Variants in RTN1 observed in about 807,000 individuals in gnomAD.
RTN1 encodes reticulon 1.
Under a neutral mutation model 65.5 loss-of-function variants are expected in RTN1, and 25 were observed. The observed-to-expected ratio is 0.38, with a 90% CI of 0.28 to 0.53. The LOEUF is 0.53. Ranked by LOEUF, RTN1 falls within the 20% of genes least tolerant of loss-of-function variation. The pLI is 0.79. For missense variants in RTN1, 983 were observed against 1,025.4 expected (o/e 0.96, Z 0.57); for synonymous variants, 471 against 447.6 (o/e 1.05, Z -0.66).
At chr14:59,775,392 T>C (rs1305807379) in intron 1 of RTN1, among the ~76,000 whole-genome samples, 2 of 152,132 alleles carry the variant, frequency 1.3e-5, no homozygotes, top group African/African-American at 4.8e-5. Flanking sequence ...CCTTTTTTTT[T>C]GTAGGAGCTA....
At chr14:59,668,498 C>T (rs1883430246) in intron 3 of RTN1, among the ~76,000 whole-genome samples, 1 of 152,130 alleles carries the variant, frequency 6.6e-6, no homozygotes, top group Admixed American at 6.5e-5. Context: ...ACCATAAAAA[C>T]CCTAGAAGAA....
At chr14:59,749,200 A>ATATATATCTATATATATCTATATATATC (rs1885311262) in intron 1 of RTN1, among the ~76,000 whole-genome samples, 1 of 56,670 alleles carries the variant, frequency 1.8e-5, no homozygotes, top group African/African-American at 1.2e-4. Context: ...ATATATATCT[A>ATATATATCTATATATATCTATATATATC]TATATATATC....
intron 1 of RTN1, among the ~76,000 whole-genome samples, chr14:59,771,102 C>T (rs1015577595): frequency 6.6e-6 from 1 of 151,972 alleles, no homozygotes; most frequent in African/African-American, 2.4e-5. Flanking sequence ...TCAAAGTCAT[C>T]CCTCATCAAC....
chr14:59,636,526 C>G (rs1882669402), intron 3 of RTN1, among the ~76,000 whole-genome samples: 1 of 152,158 alleles, frequency 6.6e-6, no homozygotes, highest in South Asian at 2.1e-4. Context: ...TATAAATAAC[C>G]CAGTCTCAGG....
At chr14:59,804,190 T>C (rs1163716518) in intron 1 of RTN1, among the ~76,000 whole-genome samples, 1 of 152,230 alleles carries the variant, frequency 6.6e-6, no homozygotes, top group Non-Finnish European at 1.5e-5. Context: ...CCAACTGTCC[T>C]TGTTTTTTAT....
chr14:59,724,480 A>G (rs1257270267), intron 3 of RTN1, among the ~76,000 whole-genome samples: 1 of 152,228 alleles, frequency 6.6e-6, no homozygotes, highest in Admixed American at 6.5e-5. Context: ...AGTGGACAAG[A>G]GCAGGAAACC....
At chr14:59,607,565 C>T (rs1881802569) in intron 3 of RTN1, 73 bp from the exon 4 acceptor site, 2 of 1,325,688 alleles carry the variant, frequency 1.5e-6, no homozygotes, top group Admixed American at 2.0e-5. Flanking sequence ...GCTCACTCCA[C>T]CAAGCTGTGG....
chr14:59,720,334 T>C (rs1255441800), intron 3 of RTN1, among the ~76,000 whole-genome samples: 2 of 152,192 alleles, frequency 1.3e-5, no homozygotes, highest in East Asian at 1.9e-4. Context: ...TGAATTCAGC[T>C]GGCTGCTGGC....
In RTN1 at chr14:59,746,284, C is replaced by T. The variant is rs779660233; in HGVS notation, c.439G>A (p.Gly147Ser). The change falls in exon 2 of 9, where the codon GGC becomes AGC. Residue 147 changes from glycine (G) to serine (S), a missense_variant. Physicochemically the swap from Gly to Ser is moderately conservative, Grantham distance 56. This residue lies in a region of RTN1 where 818 missense variants were observed against 801.8 expected (regional missense o/e 1.02). Coordinates refer to ENST00000267484, the MANE Select transcript of RTN1 (RefSeq NM_021136.3). ...CCAGGCACATCTGGTAAGGAGGGGC[C>T]GGGTGTACCCAGCTCCTCAGGGCTC... ...SESPEELGTP[G>S]PSLPDVPGIE... 2.7e-5 allele frequency: 43 copies of T among 1,613,226 alleles called. No homozygotes were observed. The highest frequency in any genetic ancestry group is 1.6e-4 in the Middle Eastern group (1 of 6,076).
At chr14:59,864,416 C>G (rs1036630088) in intron 1 of RTN1, among the ~76,000 whole-genome samples, 3 of 152,140 alleles carry the variant, frequency 2.0e-5, no homozygotes, top group African/African-American at 7.2e-5. Flanking sequence ...GATACCTTAT[C>G]AAAGAGGTCT....
chr14:59,861,627 G>A (rs1455707731), intron 1 of RTN1, among the ~76,000 whole-genome samples: 1 of 152,088 alleles, frequency 6.6e-6, no homozygotes, highest in Non-Finnish European at 1.5e-5. Flanking sequence ...AACTGGGAGA[G>A]AATCTGTCTT....
At chr14:59,705,767 T>A (rs1021297384) in intron 3 of RTN1, among the ~76,000 whole-genome samples, 3 of 152,320 alleles carry the variant, frequency 2.0e-5, no homozygotes, top group Middle Eastern at 3.4e-3. Flanking sequence ...TGTATATATG[T>A]CCCTACAAAT....
In RTN1 at chr14:59,664,127, C is replaced by T. The variant is rs543842304; in HGVS notation, c.1766-56635G>A. ...TGTGGCATATATACACCATGGAATA[C>T]TATGTAGCCACAGCAAAGGACGAGT... is the stretch of plus-strand genomic sequence containing the variant. On this transcript the variant is annotated intron_variant, in intron 3 of 8. Coordinates refer to ENST00000267484, the MANE Select transcript of RTN1 (RefSeq NM_021136.3). 4.6e-5 allele frequency among the ~76,000 whole-genome samples: 7 copies of T among 152,284 alleles called. No individual in the cohort carries two copies. In the South Asian group the frequency reaches 1.2e-3, roughly 27 times the overall value.
chr14:59,603,377 AT>A, intron 6 of RTN1, 119 bp from the exon 7 acceptor site: 2 of 742,820 alleles, frequency 2.7e-6, no homozygotes, highest in South Asian at 4.8e-5. Flanking sequence ...ACAGCATTTT[AT>A]TTTATTTTTT....
At chr14:59,600,055 C>A (rs1052675666) in intron 8 of RTN1, among the ~76,000 whole-genome samples, 7 of 152,242 alleles carry the variant, frequency 4.6e-5, no homozygotes, top group Non-Finnish European at 1.0e-4. Flanking sequence ...AAATTTGAGG[C>A]TTTTTTCCTC....
intron 1 of RTN1, among the ~76,000 whole-genome samples, chr14:59,855,324 C>G (rs1222141242): frequency 6.6e-6 from 1 of 152,188 alleles, no homozygotes; most frequent in Non-Finnish European, 1.5e-5. Context: ...CTTCACTCTG[C>G]TGTCGAGCCC....
chr14:59,744,192 C>A (rs770566033), intron 2 of RTN1, among the ~76,000 whole-genome samples: 2 of 152,146 alleles, frequency 1.3e-5, no homozygotes, highest in Non-Finnish European at 2.9e-5. Context: ...AGAGCAATCG[C>A]TCCTCCTCTA....
chr14:59,745,814 C>A lies in RTN1; in HGVS notation c.909G>T (p.Lys303Asn). The A allele has an allele frequency of 6.2e-7, 1 of 1,614,040 alleles. No homozygotes were observed. Among genetic ancestry groups the A allele is most frequent in the Non-Finnish European group, 8.5e-7 (1 of 1,180,012 alleles). ...GACTTGGCTTTAGACATATATCTTG[C>A]TTCTCAGGGGTCTTCTCTTGGGTAG... ...ETTTQEKTPEKQDICLKPSPD... is the reference protein window; with the variant it reads ...ETTTQEKTPENQDICLKPSPD... The change falls in exon 2 of 9, where the codon AAG becomes AAT. Residue 303 changes from lysine (K) to asparagine (N), a missense_variant. Physicochemically the swap from Lys to Asn is moderately conservative, Grantham distance 94 (BLOSUM62 0). This residue lies in a region of RTN1 where 818 missense variants were observed against 801.8 expected (regional missense o/e 1.02). Transcript: ENST00000267484.
At chr14:59,783,146 T>A (rs1217728320) in intron 1 of RTN1, among the ~76,000 whole-genome samples, 1 of 152,224 alleles carries the variant, frequency 6.6e-6, no homozygotes, top group African/African-American at 2.4e-5. Context: ...AAGTTTCTAA[T>A]CAAATCTATA....
Sources: allele counts gnomAD v4.1 joint callset (sites outside exome capture counted in the v4.1 genomes callset), GRCh38; gene constraint gnomAD v4.1.1; regional missense constraint gnomAD v4.1.1; transcripts MANE v1.5; gene names NCBI Gene and HGNC (gene_info 2026-07-23, HGNC 2026-07-21).